The following FOXN3 variants were observed in gnomAD, a reference collection of about 807,000 sequenced individuals.
FOXN3 encodes the protein forkhead box N3.
In FOXN3, 7 loss-of-function variants were observed where a neutral mutation model predicts 38.4. That is an observed-to-expected ratio of 0.18 (90% CI 0.10 to 0.34). FOXN3 has a LOEUF of 0.34. FOXN3 is among the 10% of genes least tolerant of loss of function. FOXN3 has a pLI of 1.00. For synonymous variants in FOXN3, 230 were observed against 242.2 expected (o/e 0.95, Z 0.47); for missense variants, 456 against 613.4 (o/e 0.74, Z 2.71).
chr14:89,442,635 C>T (rs1417970879), intron 1 of FOXN3, among the ~76,000 whole-genome samples: 1 of 152,074 alleles, frequency 6.6e-6, no homozygotes, highest in Non-Finnish European at 1.5e-5. Flanking sequence ...TGCAGTGTGT[C>T]CCCAACATGT....
chr14:89,170,285 C>A (rs1260162827), intron 5 of FOXN3, among the ~76,000 whole-genome samples: 3 of 152,010 alleles, frequency 2.0e-5, no homozygotes, highest in Admixed American at 2.0e-4. Flanking sequence ...TTAATGCATC[C>A]CTTTCAGTAT....
Position 89,316,958 on chromosome 14 carries a change from C to A in FOXN3, c.680+33714G>T, listed in dbSNP as rs180826213. 5.3e-5 allele frequency among the ~76,000 whole-genome samples: 8 copies of A among 152,296 alleles called. No individual in the cohort carries two copies. The East Asian group carries it at 1.4e-3, about 26-fold the overall frequency. On this transcript the variant is annotated intron_variant, in intron 3 of 5. Transcript: ENST00000557258. ...GGGATTACAGGAGTGAGCCACCACA[C>A]CCGGCCACCAATGATGATTCTTTTA... is the stretch of plus-strand genomic sequence containing the variant.
At chr14:89,189,521 C>G (rs1030406400) in intron 4 of FOXN3, among the ~76,000 whole-genome samples, 6 of 152,240 alleles carry the variant, frequency 3.9e-5, no homozygotes, top group Non-Finnish European at 8.8e-5. Context: ...TAACAACAAG[C>G]TGAGCAGACC....
intron 1 of FOXN3, among the ~76,000 whole-genome samples, chr14:89,440,106 C>T (rs1423095229): frequency 6.6e-6 from 1 of 152,062 alleles, no homozygotes; most frequent in Non-Finnish European, 1.5e-5. Context: ...CTAGGGGGTA[C>T]CTGGGCCTCA....
chr14:89,605,023 T>C (rs375703326), intron 1 of FOXN3, among the ~76,000 whole-genome samples: 2 of 151,362 alleles, frequency 1.3e-5, no homozygotes. Context: ...TCCATCGATT[T>C]ATCCTCACTA....
intron 2 of FOXN3, among the ~76,000 whole-genome samples, chr14:89,386,175 TG>T (rs1890785010): frequency 6.6e-6 from 1 of 152,196 alleles, no homozygotes; most frequent in African/African-American, 2.4e-5. Context: ...TTTCTCCAGA[TG>T]TAGGAGGAGC....
At chr14:89,324,406 A>G (rs1225979442) in intron 3 of FOXN3, among the ~76,000 whole-genome samples, 1 of 151,786 alleles carries the variant, frequency 6.6e-6, no homozygotes, top group East Asian at 1.9e-4. Flanking sequence ...ACCACAGCCT[A>G]AACATACTGA....
intron 1 of FOXN3, among the ~76,000 whole-genome samples, chr14:89,497,592 G>A (rs184292057): frequency 8.6e-5 from 13 of 151,506 alleles, no homozygotes; most frequent in East Asian, 3.9e-4. Flanking sequence ...TTTTAGTAGA[G>A]ACGGGGTTTC....
intron 4 of FOXN3, among the ~76,000 whole-genome samples, chr14:89,277,956 C>T (rs1289722834): frequency 6.6e-6 from 1 of 151,896 alleles, no homozygotes; most frequent in Non-Finnish European, 1.5e-5. Flanking sequence ...ACACCTAAAT[C>T]TATCTGCTTT....
At chr14:89,183,448 C>T (rs1463338882) in intron 4 of FOXN3, among the ~76,000 whole-genome samples, 1 of 151,810 alleles carries the variant, frequency 6.6e-6, no homozygotes, top group Non-Finnish European at 1.5e-5. Flanking sequence ...TAACTACAAG[C>T]AAGAGGGAGG....
intron 1 of FOXN3, among the ~76,000 whole-genome samples, chr14:89,540,873 C>T (rs1304684290): frequency 2.6e-5 from 4 of 151,958 alleles, no homozygotes; most frequent in Non-Finnish European, 5.9e-5. Context: ...TGACTCAGAT[C>T]GGGTCTTAAA....
At chr14:89,439,050 G>A (rs1162688822) in intron 1 of FOXN3, among the ~76,000 whole-genome samples, 2 of 152,092 alleles carry the variant, frequency 1.3e-5, no homozygotes, top group South Asian at 2.1e-4. Flanking sequence ...GAGCCACCAC[G>A]CCTGGCCTTA....
intron 1 of FOXN3, among the ~76,000 whole-genome samples, chr14:89,476,055 G>T (rs1380423026): frequency 6.6e-5 from 10 of 152,132 alleles, no homozygotes; most frequent in Admixed American, 6.5e-4. Context: ...CCGTGGGAGG[G>T]GTAGGCAAAG....
chr14:89,501,360 C>T (rs1015866036), intron 1 of FOXN3, among the ~76,000 whole-genome samples: 1 of 152,158 alleles, frequency 6.6e-6, no homozygotes, highest in Non-Finnish European at 1.5e-5. Flanking sequence ...CAGCAGCTCA[C>T]GATGGCGGGC....
chr14:89,427,618 A>G (rs528124465), intron 1 of FOXN3, among the ~76,000 whole-genome samples: 1 of 151,856 alleles, frequency 6.6e-6, no homozygotes, highest in South Asian at 2.1e-4. Context: ...GTGCCCGGCC[A>G]GGACTTTTTA....
intron 1 of FOXN3, among the ~76,000 whole-genome samples, chr14:89,547,202 A>AT (rs1188191833): frequency 6.6e-6 from 1 of 152,092 alleles, no homozygotes; most frequent in East Asian, 1.9e-4. Context: ...TTGTGCTTCT[A>AT]TAACAGAATA....
At chr14:89,618,763 A>T (rs1000528727) in intron 1 of FOXN3, among the ~76,000 whole-genome samples, 6 of 145,580 alleles carry the variant, frequency 4.1e-5, no homozygotes, top group African/African-American at 1.3e-4. Context: ...CTATCCACAC[A>T]TTCCTAAGAA....
chr14:89,161,556 CGTGTGT>C lies in FOXN3; in HGVS notation c.*852_*857del, dbSNP rs368359011. ...CCATCAGTTTTCTCTCTCTCTCCTT[CGTGTGT>C]GTGTGTGTGTGTGTGTGTGTGTGTG... is the stretch of plus-strand genomic sequence containing the variant. On this transcript the variant is annotated 3_prime_UTR_variant, in exon 6 of 6. Transcript: ENST00000557258. 1,162 of 109,432 alleles carry C rather than the reference CGTGTGT, an allele frequency of 0.011. 6 individuals carry two copies. Among genetic ancestry groups the C allele is most frequent in the African/African-American group, 0.026 (855 of 32,570 alleles). The allele number at this position is 109,432 out of a possible 1,614,324, so 6.8% of individuals were successfully genotyped here.
chr14:89,537,018 C>T lies in FOXN3; in HGVS notation c.-15+82010G>A, dbSNP rs117517601. The stretch of plus-strand genomic sequence containing the variant: ...CCATGTCAGTTTTGCCACAAAGCGT[C>T]TCCAGAGCACCAGAAGGAATGCTGC... On this transcript the variant is annotated intron_variant, in intron 1 of 6. Transcript: ENST00000345097. 7.2e-3 allele frequency among the ~76,000 whole-genome samples: 1,101 copies of T among 152,280 alleles called. 6 individuals carry two copies. The highest frequency in any genetic ancestry group is 0.011 in the Non-Finnish European group (781 of 68,014).
Sources: allele counts gnomAD v4.1 joint callset (sites outside exome capture counted in the v4.1 genomes callset), GRCh38; gene constraint gnomAD v4.1.1; transcripts MANE v1.5; gene names NCBI Gene and HGNC (gene_info 2026-07-23, HGNC 2026-07-21).